The following MYO10 variants were observed in gnomAD, a reference collection of about 807,000 sequenced individuals.
MYO10 encodes the protein myosin X, also known as unconventional myosin-X.
A neutral mutation model predicts 257.3 loss-of-function variants in MYO10; 133 were observed. The observed-to-expected ratio is 0.52, with a 90% confidence interval of 0.45 to 0.60. The LOEUF is 0.60. MYO10 is among the 20% of genes least tolerant of loss of function. The probability of loss-of-function intolerance (pLI) is 0.00; values close to 1 mark genes in which losing one functional copy is unlikely to be tolerated. For synonymous variants in MYO10, 1,104 were observed against 1,028.6 expected, an observed-to-expected ratio of 1.07 and a Z score of -1.40; for missense variants, 2,399 against 2,635.7, an observed-to-expected ratio of 0.91 and a Z score of 1.97.
rs555618621 is a variant in MYO10, at chr5:16,696,596, G to A, written c.3557-1982C>T. ...AATGCTGCCGGGCGTGGTGTCTCAC[G>A]CCTGTAATCCCAGCACTTTGGGAGG... On this transcript the variant is annotated intron_variant, in intron 26 of 40. Transcript: ENST00000513610. 9.0e-5 allele frequency among the ~76,000 whole-genome samples: 6 copies of A among 66,462 alleles called. No individual in the cohort carries two copies. In the South Asian group the frequency reaches 2.0e-3, roughly 23 times the overall value. 43.6% of individuals were successfully genotyped at this position (66,462 alleles called of 152,430 possible).
chr5:16,822,452 G>A lies in MYO10; in HGVS notation c.121-4285C>T, dbSNP rs373731137. ...AATATACAAGTGAATAGACAGTATC[G>A]CAGGTGGTGATGGAGTCTATGAAAC... On this transcript the variant is annotated intron_variant, in intron 2 of 40. Transcript: ENST00000513610. Among the ~76,000 whole-genome samples, 4 of 152,166 alleles carry A rather than the reference G, an allele frequency of 2.6e-5. No individual in the cohort carries two copies. The East Asian group carries it at 5.8e-4, about 22-fold the overall frequency.
chr5:16,768,765 G>T (rs1054161851), intron 10 of MYO10, among the ~76,000 whole-genome samples: 2 of 124,178 alleles, frequency 1.6e-5, no homozygotes, highest in African/African-American at 6.0e-5. Flanking sequence ...CCTTCAACCC[G>T]CAGAGGCTCA....
At chr5:16,805,477 A>G (rs997940778) in intron 3 of MYO10, among the ~76,000 whole-genome samples, 4 of 150,184 alleles carry the variant, frequency 2.7e-5, no homozygotes, top group East Asian at 1.9e-4. Flanking sequence ...AAAAAAAAAA[A>G]AAAGAAAAGA....
chr5:16,726,564 C>T (rs921436457), intron 19 of MYO10, among the ~76,000 whole-genome samples: 1 of 152,138 alleles, frequency 6.6e-6, no homozygotes, highest in African/African-American at 2.4e-5. Flanking sequence ...CAAATCCAGG[C>T]ATCGTGACAG....
At chr5:16,919,047 G>C (rs965133500) in intron 1 of MYO10, among the ~76,000 whole-genome samples, 1 of 152,072 alleles carries the variant, frequency 6.6e-6, no homozygotes, top group African/African-American at 2.4e-5. Context: ...CATTCCTGAA[G>C]ATTTCCACAC....
intron 32 of MYO10, 46 bp downstream of exon 32, chr5:16,681,263 G>A (rs1267356499): frequency 6.4e-7 from 1 of 1,554,460 alleles, no homozygotes; most frequent in South Asian, 1.2e-5. Flanking sequence ...AGCAAGCCCA[G>A]ACTTTAAGAT....
chr5:16,818,407 T>TGC (rs1742701114), intron 2 of MYO10, among the ~76,000 whole-genome samples: 1 of 88,626 alleles, frequency 1.1e-5, no homozygotes, highest in African/African-American at 4.1e-5. Context: ...TGTGTGTGTG[T>TGC]GTGTATATAT....
intron 2 of MYO10, among the ~76,000 whole-genome samples, chr5:16,847,055 T>A (rs188855485): frequency 7.2e-5 from 11 of 152,118 alleles, no homozygotes; most frequent in African/African-American, 2.7e-4. Flanking sequence ...AAGACAGAGA[T>A]TGCAGTAAGC....
chr5:16,743,897 T>G (rs534608395), intron 19 of MYO10, among the ~76,000 whole-genome samples: 1 of 152,334 alleles, frequency 6.6e-6, no homozygotes, highest in African/African-American at 2.4e-5. Context: ...ATAACAAATG[T>G]ACCACATTAG....
In MYO10 at chr5:16,663,322, CTAGT is replaced by C. The variant is rs1341226474; in HGVS notation, c.*3366_*3369del. The C allele has an allele frequency of 1.7e-4, 8 of 47,474 alleles. No homozygotes were observed. The highest frequency in any genetic ancestry group is 3.2e-4 in the Non-Finnish European group (8 of 25,338). The allele number at this position is 47,474 out of a possible 1,614,324, so 2.9% of individuals were successfully genotyped here. ...GCTGGAAAAAAGTAACATTTTACTTCTAGTTGTTTTTTTTTTTTTTTTTTTTTTT... is the reference window on the plus strand; with the variant it reads ...GCTGGAAAAAAGTAACATTTTACTTCTGTTTTTTTTTTTTTTTTTTTTTTT... On this transcript the variant is annotated 3_prime_UTR_variant, in exon 41 of 41. Coordinates refer to ENST00000513610, the MANE Select transcript of MYO10 (RefSeq NM_012334.3).
At chr5:16,762,143 A>AAT (rs1553993579) in intron 15 of MYO10, 30 bp from the exon 16 acceptor site, 12,504 of 1,087,428 alleles carry the variant, frequency 0.011, 1,104 homozygotes, top group Middle Eastern at 0.013. Context: ...AAAAAAAAAA[A>AAT]ATACAATGCC....
chr5:16,742,078 CA>C (rs1032246946), intron 19 of MYO10: 54 of 985,412 alleles, frequency 5.5e-5, no homozygotes, highest in Admixed American at 2.5e-4. Flanking sequence ...CACGCATCAA[CA>C]AATGTGTAAT....
At chr5:16,809,431 A>G (rs535465170) in intron 3 of MYO10, among the ~76,000 whole-genome samples, 1 of 152,360 alleles carries the variant, frequency 6.6e-6, no homozygotes, top group East Asian at 1.9e-4. Context: ...ACAGATTTCA[A>G]TTTGCAAGAT....
At chr5:16,867,719 G>A (rs1744322431) in intron 2 of MYO10, among the ~76,000 whole-genome samples, 1 of 152,190 alleles carries the variant, frequency 6.6e-6, no homozygotes, top group Admixed American at 6.5e-5. Flanking sequence ...TTAGTGCTGT[G>A]TTCCCAGTGT....
chr5:16,786,420 C>G (rs1451041443), intron 4 of MYO10, among the ~76,000 whole-genome samples: 2 of 152,132 alleles, frequency 1.3e-5, no homozygotes, highest in Admixed American at 1.3e-4. Context: ...GGAAGATCTC[C>G]TATCTGAAAT....
Position 16,794,743 on chromosome 5 carries a change from G to T in MYO10, c.370C>A (p.Arg124Ser), listed in dbSNP as rs192053260. Residue 124 changes from arginine (R) to serine (S), a missense_variant, in exon 4 of 41, where the codon CGC becomes AGC. Arg to Ser is a moderately radical substitution (Grantham distance 110). This residue lies in a region of MYO10 where 242 missense variants were observed against 249.5 expected (regional missense o/e 0.97). Coordinates refer to ENST00000513610, the MANE Select transcript of MYO10 (RefSeq NM_012334.3). ...EPATMEQYSR[R>S]HLGELPPHIF... ...TGCGGGGGCAGCTCGCCCAGGTGGC[G>T]CCGGCTGTACTGCTCCATGGTGGCA... 6.2e-7 allele frequency: 1 copy of T among 1,612,638 alleles called. No homozygotes were observed. The highest frequency in any genetic ancestry group is 2.2e-5 in the East Asian group (1 of 44,782).
At chr5:16,667,326 C>T (rs940375094) in intron 40 of MYO10, among the ~76,000 whole-genome samples, 1 of 152,186 alleles carries the variant, frequency 6.6e-6, no homozygotes, top group Non-Finnish European at 1.5e-5. Context: ...CTGGGATCTC[C>T]ATTAGCTCCC....
At chr5:16,787,481 C>G (rs1741620092) in intron 4 of MYO10, among the ~76,000 whole-genome samples, 1 of 152,060 alleles carries the variant, frequency 6.6e-6, no homozygotes. Context: ...CCACTTGGTC[C>G]TCATTAGCCC....
intron 28 of MYO10, among the ~76,000 whole-genome samples, chr5:16,686,128 C>T (rs905847596): frequency 1.3e-5 from 2 of 149,090 alleles, no homozygotes; most frequent in Non-Finnish European, 3.0e-5. Flanking sequence ...GAATGAGTTC[C>T]TTGAGAAATT....
Sources: allele counts gnomAD v4.1 joint callset (sites outside exome capture counted in the v4.1 genomes callset), GRCh38; gene constraint gnomAD v4.1.1; regional missense constraint gnomAD v4.1.1; transcripts MANE v1.5; gene names NCBI Gene and HGNC (gene_info 2026-07-23, HGNC 2026-07-21).